CBLC: variants seen among roughly 807,000 people sequenced by gnomAD.
CBLC encodes Cbl proto-oncogene C, also known as E3 ubiquitin-protein ligase CBL-C.
A neutral mutation model predicts 58.6 loss-of-function variants in CBLC; 46 were observed. The ratio of observed to expected loss-of-function variants is 0.79; its 90% CI spans 0.62 to 1.00. The LOEUF is 1.00. Ranked by LOEUF, CBLC falls within the 50% of genes least tolerant of loss-of-function variation. The probability of loss-of-function intolerance (pLI) is 0.00; values close to 1 mark genes in which losing one functional copy is unlikely to be tolerated. For missense variants in CBLC, 655 were observed against 625.8 expected (o/e 1.05, Z -0.50); for synonymous variants, 271 against 264.2 (o/e 1.03, Z -0.25).
At chr19:44,790,150 C>T in intron 6 of CBLC, 59 bp downstream of exon 6, 1 of 1,352,842 alleles carries the variant, frequency 7.4e-7, no homozygotes, top group South Asian at 1.2e-5. Context: ...CCCCACGTTG[C>T]CTTGGCTCAG....
At chr19:44,800,481 A>G in intron 10 of CBLC, 31 bp downstream of exon 10, 1 of 1,277,674 alleles carries the variant, frequency 7.8e-7, no homozygotes, top group Non-Finnish European at 1.1e-6. Flanking sequence ...TCCCTGGCCC[A>G]CTCCACCCCA....
At chr19:44,794,065 T>G in intron 8 of CBLC, 139 bp from the exon 9 acceptor site, 1 of 1,415,758 alleles carries the variant, frequency 7.1e-7, no homozygotes, top group Non-Finnish European at 9.4e-7. Flanking sequence ...CCCTCCTAAG[T>G]GTTCATACGT....
At chr19:44,784,123 C>CA (rs1967821588) in intron 4 of CBLC, 141 bp from the exon 5 acceptor site, 1 of 677,802 alleles carries the variant, frequency 1.5e-6, no homozygotes, top group East Asian at 2.7e-5. Flanking sequence ...AGGGGTCTAG[C>CA]ACATGCCGTT....
At position 44,792,442 on chromosome 19, in the gene CBLC, T is replaced by C. The variant is rs145265588; in HGVS notation, c.1065T>C (p.Ala355=). The C allele has an allele frequency of 1.5e-5, 25 of 1,613,086 alleles. 1 individual carries two copies. The African/African-American group carries it at 2.1e-4, about 14-fold the overall frequency. The change falls in exon 7 of 11, where the codon GCT becomes GCC. Residue 355 remains alanine, a synonymous_variant. Coordinates refer to ENST00000647358, the MANE Select transcript of CBLC (RefSeq NM_012116.4). The part of the protein sequence containing the change: ...DSTFELCKIC[A]ESNKDVKIEP... ...CATTTGAGCTCTGCAAGATCTGTGC[T>C]GAGAGCAACAAGGATGTGAAGATTG...
intron 9 of CBLC, among the ~76,000 whole-genome samples, chr19:44,799,041 G>A (rs1008352251): frequency 1.3e-5 from 2 of 152,164 alleles, no homozygotes; most frequent in Admixed American, 1.3e-4. Context: ...CACTTTGAAG[G>A]ACATGGAACT....
intron 5 of CBLC, among the ~76,000 whole-genome samples, chr19:44,786,462 G>A (rs1216624357): frequency 1.3e-5 from 2 of 151,300 alleles, no homozygotes; most frequent in Non-Finnish European, 2.9e-5. Context: ...GGGCGTGGTG[G>A]CGGGCACCTG....
intron 8 of CBLC, 55 bp from the exon 9 acceptor site, chr19:44,794,149 G>A (rs1968127137): frequency 1.3e-6 from 2 of 1,568,732 alleles, no homozygotes; most frequent in Non-Finnish European, 1.7e-6. Flanking sequence ...GAACATGGAG[G>A]CGAGAAGAAA....
At position 44,778,442 on chromosome 19, in the gene CBLC, C is replaced by A. The variant is rs1245690727; in HGVS notation, c.353+158C>A. On this transcript the variant is annotated intron_variant, in intron 1 of 10. Coordinates refer to ENST00000647358, the MANE Select transcript of CBLC (RefSeq NM_012116.4). ...ACCTCCTCCCTCAGACTCAGGGCTC[C>A]AGCCCCCAGCCCCTCCTCCCTCAGA... Among the ~76,000 whole-genome samples, 324 of 56,782 alleles carry A rather than the reference C, an allele frequency of 5.7e-3. 2 individuals are homozygous for A. Among genetic ancestry groups the A allele is most frequent in the African/African-American group, 0.02 (115 of 5,712 alleles). 37.3% of individuals were successfully genotyped at this position (56,782 alleles called of 152,430 possible).
At chr19:44,790,233 G>T in intron 6 of CBLC, 142 bp downstream of exon 6, 1 of 656,404 alleles carries the variant, frequency 1.5e-6, no homozygotes. Flanking sequence ...CTGAGGCTCA[G>T]TTATTCTTCC....
At chr19:44,784,970 T>TG (rs1967857393) in intron 5 of CBLC, among the ~76,000 whole-genome samples, 2 of 124,076 alleles carry the variant, frequency 1.6e-5, no homozygotes, top group South Asian at 2.9e-4. Flanking sequence ...TTTTTTTTTT[T>TG]TTTTTTTTTT....
chr19:44,781,044 G>A lies in CBLC; in HGVS notation c.493G>A (p.Gly165Arg), dbSNP rs140442555. 1.1e-4 allele frequency: 170 copies of A among 1,611,912 alleles called. 1 individual carries two copies. The highest frequency in any genetic ancestry group is 8.0e-4 in the Admixed American group (48 of 59,940). Residue 165 changes from glycine (G) to arginine (R), a missense_variant, in exon 2 of 11, where the codon GGA becomes AGA. Gly to Arg is a moderately radical substitution (Grantham distance 125). Around this residue, in one of 3 missense-constraint regions of CBLC, gnomAD observed 280 missense variants for 237.2 expected, o/e 1.18. Coordinates refer to ENST00000647358, the MANE Select transcript of CBLC (RefSeq NM_012116.4). ...PAHTFWRESC[G>R]ARCVLPWAEF... The stretch of plus-strand genomic sequence containing the variant: ...CCACACCTTCTGGAGGGAAAGTTGC[G>A]GAGCCCGGTGAGTAAGCCCTTGTCC...
rs1967614459 is a variant in CBLC, at chr19:44,778,050, G to A, written c.119G>A (p.Ser40Asn). The A allele has an allele frequency of 6.2e-7, 1 of 1,609,118 alleles. No individual in the cohort carries two copies. The highest frequency in any genetic ancestry group is 8.5e-7 in the Non-Finnish European group (1 of 1,179,644). The change falls in exon 1 of 11, where the codon AGT (serine) becomes AAT (asparagine). Residue 40 changes from serine (S) to asparagine (N), a missense_variant. Transcript: ENST00000647358. The stretch of plus-strand genomic sequence containing the variant: ...TGCGTCGACCCCCGGCTGTCCGTGA[G>A]TCCCCCTTCGCTGCGGGACCTGCTG... ...EQCVDPRLSV[S>N]PPSLRDLLPR...
chr19:44,790,056 C>G lies in CBLC; in HGVS notation c.970C>G (p.Gln324Glu). 1 of 1,614,080 alleles carries G rather than the reference C, an allele frequency of 6.2e-7. No individual in the cohort carries two copies. ...THNPDLTELG[Q>E]AEPQQRIHVS... is the part of the protein sequence containing the mutation. ...CAACCCAGACCTGACTGAGCTCGGC[C>G]AGGCAGAACCCCAGCAGCGCATCCA... The change falls in exon 6 of 11, where the codon CAG becomes GAG. Residue 324 changes from glutamine to glutamate, a missense_variant. Gln to Glu is a conservative substitution (Grantham distance 29, BLOSUM62 2). Around this residue, in one of 3 missense-constraint regions of CBLC, gnomAD observed 371 missense variants for 370.8 expected, o/e 1.00. Coordinates refer to ENST00000647358, the MANE Select transcript of CBLC (RefSeq NM_012116.4).
chr19:44,792,463 G>A lies in CBLC; in HGVS notation c.1086G>A (p.Lys362=). 2 of 1,612,910 alleles carry A rather than the reference G, an allele frequency of 1.2e-6. No individual in the cohort carries two copies. Among genetic ancestry groups the A allele is most frequent in the Non-Finnish European group, 1.7e-6 (2 of 1,179,702 alleles). Residue 362 remains lysine, a synonymous_variant, in exon 7 of 11, where the codon AAG becomes AAA. Transcript: ENST00000647358. ...KICAESNKDV[K]IEPCGHLLCS... ...GTGCTGAGAGCAACAAGGATGTGAAGATTGAGCCGTGCGGGCACCTGCTCT... is the reference window on the plus strand; with the variant it reads ...GTGCTGAGAGCAACAAGGATGTGAAAATTGAGCCGTGCGGGCACCTGCTCT...
At chr19:44,780,792 C>A in intron 1 of CBLC, 113 bp from the exon 2 acceptor site, 1 of 1,133,210 alleles carries the variant, frequency 8.8e-7, no homozygotes, top group Non-Finnish European at 1.3e-6. Flanking sequence ...TCTTACCTTA[C>A]ACTGTTGAGA....
At position 44,781,473 on chromosome 19, in the gene CBLC, A is replaced by G. The variant is rs557055897; in HGVS notation, c.657+110A>G. On this transcript the variant is annotated intron_variant, in intron 3 of 10. Coordinates refer to ENST00000647358, the MANE Select transcript of CBLC (RefSeq NM_012116.4). Reference sequence around the variant, plus strand: ...GAAGGGCCGGGACCTGGACTCCTGGATCTGAGGGAGGAGGGGCCGGGGCCT... The same window carrying G: ...GAAGGGCCGGGACCTGGACTCCTGGGTCTGAGGGAGGAGGGGCCGGGGCCT... 2,776 of 954,904 alleles carry G rather than the reference A, an allele frequency of 2.9e-3. 8 individuals are homozygous for G. The highest frequency in any genetic ancestry group is 0.022 in the African/African-American group (984 of 44,116). The allele number at this position is 954,904 out of a possible 1,614,324, so 59.2% of individuals were successfully genotyped here.
chr19:44,799,429 T>C (rs544199723), intron 9 of CBLC, among the ~76,000 whole-genome samples: 1 of 152,130 alleles, frequency 6.6e-6, no homozygotes, highest in East Asian at 1.9e-4. Context: ...ACCTCCTGGG[T>C]TCAAACGATT....
intron 5 of CBLC, among the ~76,000 whole-genome samples, chr19:44,786,980 A>G (rs1012694577): frequency 6.6e-5 from 10 of 152,158 alleles, no homozygotes; most frequent in Non-Finnish European, 1.5e-4. Flanking sequence ...CCAGCTACTC[A>G]GGAGGCTGAG....
intron 6 of CBLC, 110 bp from the exon 7 acceptor site, chr19:44,792,273 G>A (rs1412729860): frequency 1.5e-5 from 18 of 1,239,822 alleles, no homozygotes; most frequent in Non-Finnish European, 2.1e-5. Context: ...GATTACAGGC[G>A]TGAGCCACCA....
Sources: allele counts gnomAD v4.1 joint callset (sites outside exome capture counted in the v4.1 genomes callset), GRCh38; gene constraint gnomAD v4.1.1; regional missense constraint gnomAD v4.1.1; transcripts MANE v1.5; gene names NCBI Gene and HGNC (gene_info 2026-07-23, HGNC 2026-07-21).